Variants in TANC2 observed in about 807,000 individuals in gnomAD.
TANC2 encodes the protein protein TANC2.
In TANC2, 26 loss-of-function variants were observed where a neutral mutation model predicts 210.5. The observed-to-expected ratio is 0.12, with a 90% CI of 0.09 to 0.17. The LOEUF (loss-of-function observed/expected upper bound fraction) is 0.17, where lower values mean the gene tolerates loss of function less well. Among genes scored for constraint, TANC2 ranks in the 10% least tolerant of loss-of-function variants. The probability of loss-of-function intolerance (pLI) is 1.00; values close to 1 mark genes in which losing one functional copy is unlikely to be tolerated. For synonymous variants in TANC2, 931 were observed against 967.1 expected (o/e 0.96, Z 0.69); for missense variants, 2,129 against 2,608.9 (o/e 0.82, Z 4.01).
At chr17:63,330,208 A>G (rs1002677950) in intron 11 of TANC2, among the ~76,000 whole-genome samples, 3 of 152,214 alleles carry the variant, frequency 2.0e-5, no homozygotes, top group Non-Finnish European at 1.5e-5. Flanking sequence ...AGGAAGCTTC[A>G]GAAAAAGAGT....
intron 4 of TANC2, among the ~76,000 whole-genome samples, chr17:63,115,540 A>C (rs1219056938): frequency 6.6e-6 from 1 of 152,212 alleles, no homozygotes; most frequent in Admixed American, 6.5e-5. Context: ...CTAAAAAGAA[A>C]TAGCTACTAG....
At chr17:63,010,576 A>G (rs565265739) in intron 2 of TANC2, among the ~76,000 whole-genome samples, 13 of 151,786 alleles carry the variant, frequency 8.6e-5, no homozygotes, top group African/African-American at 2.7e-4. Context: ...CACAGACCCT[A>G]TGGGTTATGG....
chr17:63,306,334 A>G (rs1007648500), intron 9 of TANC2, among the ~76,000 whole-genome samples: 2 of 152,218 alleles, frequency 1.3e-5, no homozygotes, highest in Non-Finnish European at 2.9e-5. Flanking sequence ...TTGTGATATA[A>G]TGACACCCTG....
intron 5 of TANC2, among the ~76,000 whole-genome samples, chr17:63,161,170 G>A (rs2040012507): frequency 6.6e-6 from 1 of 152,024 alleles, no homozygotes; most frequent in Non-Finnish European, 1.5e-5. Flanking sequence ...ATACCAGCCT[G>A]GGCAACATGG....
At chr17:63,218,391 C>A (rs1192833384) in intron 7 of TANC2, among the ~76,000 whole-genome samples, 1 of 152,140 alleles carries the variant, frequency 6.6e-6, no homozygotes, top group East Asian at 1.9e-4. Context: ...AACCTGGATG[C>A]TTTCCCTTGA....
chr17:62,983,243 C>T (rs910759088), intron 1 of TANC2, among the ~76,000 whole-genome samples: 1 of 151,538 alleles, frequency 6.6e-6, no homozygotes, highest in Non-Finnish European at 1.5e-5. Context: ...TTTTTTTTAG[C>T]TAGTTTATTG....
chr17:62,994,252 C>T (rs2033003198), intron 1 of TANC2, among the ~76,000 whole-genome samples: 1 of 151,784 alleles, frequency 6.6e-6, no homozygotes, highest in South Asian at 2.1e-4. Flanking sequence ...CAGCTCACTG[C>T]ACCCTCTGCC....
chr17:63,250,039 C>T (rs914756202), intron 8 of TANC2, among the ~76,000 whole-genome samples: 2 of 151,870 alleles, frequency 1.3e-5, no homozygotes, highest in Admixed American at 1.3e-4. Flanking sequence ...CAGTTAAATG[C>T]TGAGTTGTCC....
intron 2 of TANC2, among the ~76,000 whole-genome samples, chr17:63,010,204 C>T (rs2033803784): frequency 6.6e-6 from 1 of 151,914 alleles, no homozygotes; most frequent in Non-Finnish European, 1.5e-5. Context: ...TCTTCGTAAT[C>T]TTCTCAACTT....
intron 8 of TANC2, among the ~76,000 whole-genome samples, chr17:63,262,140 G>A (rs2043377780): frequency 6.6e-6 from 1 of 152,082 alleles, no homozygotes; most frequent in African/African-American, 2.4e-5. Context: ...AACAAAATAT[G>A]CATAGCTGCT....
intron 7 of TANC2, among the ~76,000 whole-genome samples, chr17:63,227,309 A>C (rs2042353948): frequency 6.6e-6 from 1 of 152,094 alleles, no homozygotes; most frequent in African/African-American, 2.4e-5. Flanking sequence ...CTGGCATGAG[A>C]TGGTATCTCA....
At chr17:63,293,145 C>T (rs981460405) in intron 9 of TANC2, among the ~76,000 whole-genome samples, 1 of 152,156 alleles carries the variant, frequency 6.6e-6, no homozygotes, top group Non-Finnish European at 1.5e-5. Context: ...CCACTCTAGT[C>T]CTATTCCTGA....
At chr17:63,243,864 C>T (rs2042844688) in intron 8 of TANC2, among the ~76,000 whole-genome samples, 2 of 152,066 alleles carry the variant, frequency 1.3e-5, no homozygotes, top group Non-Finnish European at 2.9e-5. Flanking sequence ...GTGATGATAC[C>T]AGCCATTTAG....
chr17:63,329,039 A>G lies in TANC2; in HGVS notation c.1575+9949A>G, dbSNP rs1045931858. ...GCATTTCGTCTTGTACTTGAATCCA[A>G]AACAGTTTCTTGGAGCATACTGAAT... On this transcript the variant is annotated intron_variant, in intron 11 of 27. Coordinates refer to ENST00000689528, the Ensembl canonical transcript of TANC2. 9.2e-5 allele frequency among the ~76,000 whole-genome samples: 14 copies of G among 152,150 alleles called. 1 individual carries two copies. Among genetic ancestry groups the G allele is most frequent in the African/African-American group, 2.9e-4 (12 of 41,442 alleles).
In TANC2 at chr17:63,420,476, C is replaced by T. The variant is rs551511789; in HGVS notation, c.4746C>T (p.Tyr1582=). 10 of 1,614,006 alleles carry T rather than the reference C, an allele frequency of 6.2e-6. No individual in the cohort carries two copies. In the African/African-American group the frequency reaches 9.3e-5, roughly 15 times the overall value. ...CTCCAACTCATCAGAACTCACATTACAGGCCTAGCCCACCACACACTTCCC... is the reference window on the plus strand; with the variant it reads ...CTCCAACTCATCAGAACTCACATTATAGGCCTAGCCCACCACACACTTCCC... The change falls in exon 28 of 28, where the codon TAC becomes TAT. Residue 1582 remains tyrosine (Y), a synonymous_variant. Coordinates refer to ENST00000689528, the Ensembl canonical transcript of TANC2. The surrounding 1 kb of genome is among the most constrained non-coding windows in gnomAD (Gnocchi z 4.2).
intron 7 of TANC2, among the ~76,000 whole-genome samples, chr17:63,230,859 T>C (rs1424252105): frequency 6.6e-6 from 1 of 152,148 alleles, no homozygotes; most frequent in African/African-American, 2.4e-5. Flanking sequence ...AATATTGACA[T>C]TGGGTGTTAA....
At chr17:63,422,945 C>T (rs2049061835) in exon 28 of TANC2, 1 of 152,130 alleles carries the variant, frequency 6.6e-6, no homozygotes, top group Admixed American at 6.5e-5. Flanking sequence ...GTGACAATCC[C>T]GTTAGTTGGA....
chr17:63,119,686 A>C (rs2038387184), intron 4 of TANC2, among the ~76,000 whole-genome samples: 2 of 152,102 alleles, frequency 1.3e-5, no homozygotes, highest in South Asian at 4.1e-4. Flanking sequence ...AGGATTTTAT[A>C]TATCCATTAT....
At chr17:63,343,978 T>C (rs2046320357) in intron 12 of TANC2, among the ~76,000 whole-genome samples, 1 of 152,188 alleles carries the variant, frequency 6.6e-6, no homozygotes, top group African/African-American at 2.4e-5. Flanking sequence ...TTTCAATAAA[T>C]GTACAAAAGC....
Sources: gnomAD v4.1 joint callset for allele counts (sites outside exome capture counted in the v4.1 genomes callset) on GRCh38, gnomAD v4.1.1 for gene constraint, Gnocchi (gnomAD v3.1) non-coding constraint, MANE v1.5 for transcripts, NCBI Gene and HGNC (gene_info 2026-07-23, HGNC 2026-07-21) for gene names.